The following SLC25A25 variants were observed in gnomAD, a reference collection of about 807,000 sequenced individuals.
SLC25A25 encodes solute carrier family 25 member 25.
In SLC25A25, 32 loss-of-function variants were observed where a neutral mutation model predicts 57.7. The ratio of observed to expected loss-of-function variants is 0.55; its 90% CI spans 0.42 to 0.74. The LOEUF is 0.74. Among genes scored for constraint, SLC25A25 ranks in the 30% least tolerant of loss-of-function variants. The pLI is 0.00. For missense variants in SLC25A25, 556 were observed against 701.3 expected, an observed-to-expected ratio of 0.79 and a Z score of 2.34; for synonymous variants, 306 against 291.2, an observed-to-expected ratio of 1.05 and a Z score of -0.52.
chr9:128,068,645 C>CG, intron 1 of SLC25A25, 65 bp downstream of exon 1: 1 of 1,368,122 alleles, frequency 7.3e-7, no homozygotes, highest in Non-Finnish European at 9.4e-7. Context: ...TGACAGGTCT[C>CG]GGGGGACGGC....
At chr9:128,104,893 G>A (rs1259333459) in intron 6 of SLC25A25, among the ~76,000 whole-genome samples, 1 of 149,978 alleles carries the variant, frequency 6.7e-6, no homozygotes, top group African/African-American at 2.4e-5. Context: ...GTCTCGCTCT[G>A]TCACCCAGGC....
Position 128,068,500 on chromosome 9 carries a change from C to A in SLC25A25, c.181C>A (p.Arg61=). Residue 61 remains arginine, a synonymous_variant, in exon 1 of 11, where the codon CGG becomes AGG. Transcript: ENST00000373069. ...WRLFQTLDVN[R]DGGLCVNDLA... Reference sequence around the variant, plus strand: ...ACTCTTTCAGACGCTCGACGTCAACCGGGACGGCGGCCTGTGTGTCAACGA... The same window carrying A: ...ACTCTTTCAGACGCTCGACGTCAACAGGGACGGCGGCCTGTGTGTCAACGA... 2 of 1,509,696 alleles carry A rather than the reference C, an allele frequency of 1.3e-6. No homozygotes were observed. The highest frequency in any genetic ancestry group is 1.8e-6 in the Non-Finnish European group (2 of 1,134,792). 93.5% of individuals were successfully genotyped at this position (1,509,696 alleles called of 1,614,324 possible). A position where few individuals can be genotyped will look rare whatever the true frequency, so the allele number is the denominator to read the frequency against.
intron 1 of SLC25A25, chr9:128,091,300 C>G (rs896371633): frequency 1.2e-5 from 4 of 346,006 alleles, no homozygotes; most frequent in African/African-American, 8.8e-5. Context: ...GTCCGCACCT[C>G]CCTGCAGAAT....
At position 128,102,089 on chromosome 9, in the gene SLC25A25, G is replaced by C. The variant is rs571994044; in HGVS notation, c.486G>C (p.Thr162=). 143 of 1,550,442 alleles carry C rather than the reference G, an allele frequency of 9.2e-5. No individual in the cohort carries two copies. Among genetic ancestry groups the C allele is most frequent in the Non-Finnish European group, 1.2e-4 (134 of 1,146,988 alleles). Residue 162 remains threonine, a synonymous_variant, in exon 4 of 11, where the codon ACG becomes ACC. Transcript: ENST00000373069. This position sits in a 1 kb window ranked among gnomAD's most constrained non-coding sequence, Gnocchi z 4.1. ...QAEKILKRIR[T]GHFWGPVTYM... is the part of the protein sequence containing the mutation. ...TTTGTCTGTCTGTCAGAATACGAAC[G>C]GGCCATTTCTGGGGCCCTGTCACCT...
chr9:128,075,710 G>C (rs1350513234), intron 1 of SLC25A25, among the ~76,000 whole-genome samples: 1 of 151,762 alleles, frequency 6.6e-6, no homozygotes, highest in Non-Finnish European at 1.5e-5. Context: ...CAGGCGTTGT[G>C]GTGTGCACCA....
intron 1 of SLC25A25, among the ~76,000 whole-genome samples, chr9:128,092,715 A>G (rs935030088): frequency 2.6e-5 from 4 of 152,156 alleles, no homozygotes; most frequent in Non-Finnish European, 5.9e-5. Flanking sequence ...GTGAGTTACC[A>G]TCCTCACAAG....
In SLC25A25 at chr9:128,108,143, C is replaced by T. The variant is rs2130832657; in HGVS notation, c.*699C>T. ...TGCACAGAAGGCAAGTGCTGGGGCT[C>T]ATGGTGCTCTGAGCTGGCCTGGACC... On this transcript the variant is annotated 3_prime_UTR_variant, in exon 11 of 11. Transcript: ENST00000373069. 1 of 399,466 alleles carries T rather than the reference C, an allele frequency of 2.5e-6. No individual in the cohort carries two copies. The highest frequency in any genetic ancestry group is 4.4e-6 in the Non-Finnish European group (1 of 226,462). The allele number at this position is 399,466 out of a possible 1,614,324, so 24.7% of individuals were successfully genotyped here. A position where few individuals can be genotyped will look rare whatever the true frequency, so the allele number is the denominator to read the frequency against.
At chr9:128,081,823 A>G (rs1191071230) in intron 1 of SLC25A25, among the ~76,000 whole-genome samples, 1 of 152,084 alleles carries the variant, frequency 6.6e-6, no homozygotes, top group African/African-American at 2.4e-5. Flanking sequence ...TGGGAGGTTG[A>G]GGTGGGAAGA....
intron 1 of SLC25A25, among the ~76,000 whole-genome samples, chr9:128,093,337 C>T (rs531345681): frequency 1.3e-5 from 2 of 152,360 alleles, no homozygotes; most frequent in African/African-American, 4.8e-5. Context: ...GTGGCACTAG[C>T]TTTGTGAGGA....
chr9:128,090,042 G>A (rs901356093), intron 1 of SLC25A25, among the ~76,000 whole-genome samples: 1 of 152,020 alleles, frequency 6.6e-6, no homozygotes, highest in African/African-American at 2.4e-5. Context: ...GTGAAAACAC[G>A]TCTCTCATCT....
At chr9:128,071,969 T>C (rs1832918692) in intron 1 of SLC25A25, among the ~76,000 whole-genome samples, 1 of 152,094 alleles carries the variant, frequency 6.6e-6, no homozygotes, top group Admixed American at 6.6e-5. Context: ...CACCTCGGCC[T>C]CCCAAAGTTC....
intron 1 of SLC25A25, among the ~76,000 whole-genome samples, chr9:128,085,217 G>C (rs1217643763): frequency 6.6e-6 from 1 of 152,048 alleles, no homozygotes; most frequent in African/African-American, 2.4e-5. Context: ...TGTAGTCCCA[G>C]CTACTCGGGA....
Position 128,068,585 on chromosome 9 carries a change from G to A in SLC25A25, c.261+5G>A. On this transcript the variant is annotated splice_donor_5th_base_variant and intron_variant, in intron 1 of 10. Coordinates refer to ENST00000373069, the MANE Select transcript of SLC25A25 (RefSeq NM_001330988.2). The stretch of plus-strand genomic sequence containing the variant: ...CGCACCGAGGGCGAGCTCCAGGTAG[G>A]CTGCGCGCGTCCTCAGCACTGGCGG... 7.1e-7 allele frequency: 1 copy of A among 1,415,082 alleles called. No individual in the cohort carries two copies. Among genetic ancestry groups the A allele is most frequent in the South Asian group, 1.5e-5 (1 of 64,758 alleles). The allele number at this position is 1,415,082 out of a possible 1,614,324, so 87.7% of individuals were successfully genotyped here. A position where few individuals can be genotyped will look rare whatever the true frequency, so the allele number is the denominator to read the frequency against.
At chr9:128,105,706 G>C in intron 6 of SLC25A25, 23 bp from the exon 7 acceptor site, 1 of 1,611,900 alleles carries the variant, frequency 6.2e-7, no homozygotes, top group African/African-American at 1.3e-5. Flanking sequence ...GGGTCCGTCT[G>C]ACTGTTCGGT....
Position 128,106,211 on chromosome 9 carries a change from G to A in SLC25A25, c.998G>A (p.Gly333Glu). Residue 333 changes from glycine (G) to glutamate (E), a missense_variant, in exon 8 of 11, where the codon GGG becomes GAG. Physicochemically the swap from Gly to Glu is moderately conservative, Grantham distance 98 (BLOSUM62 -2). Transcript: ENST00000373069. ...AGGATTCACGAGAGGCTTGTGGCAG[G>A]GTCCTTGGCAGGGGCCATCGCCCAG... is the stretch of plus-strand genomic sequence containing the variant. ...TLRIHERLVA[G>E]SLAGAIAQSS... 6.2e-7 allele frequency: 1 copy of A among 1,614,186 alleles called. No homozygotes were observed. The highest frequency in any genetic ancestry group is 8.5e-7 in the Non-Finnish European group (1 of 1,180,030).
rs527464100 is a variant in SLC25A25, at chr9:128,099,795, C to A, written c.262-1301C>A. 6.6e-6 allele frequency among the ~76,000 whole-genome samples: 1 copy of A among 152,232 alleles called. No individual in the cohort carries two copies. The highest frequency in any genetic ancestry group is 6.5e-5 in the Admixed American group (1 of 15,298). On this transcript the variant is annotated intron_variant, in intron 1 of 10. Coordinates refer to ENST00000373069, the MANE Select transcript of SLC25A25 (RefSeq NM_001330988.2). The surrounding 1 kb of genome is among the most constrained non-coding windows in gnomAD (Gnocchi z 6.8). ...GTCAGTAGTGTGTCTAAGAGAGAGG[C>A]GCGGTGGTGATCCTTTGAGGACGCG...
rs1207971902 is a variant in SLC25A25 at position 128,101,646 on chromosome 9, G to C, written c.476+250G>C. Among the ~76,000 whole-genome samples, 1 of 152,034 alleles carries C rather than the reference G, an allele frequency of 6.6e-6. No individual in the cohort carries two copies. Among genetic ancestry groups the C allele is most frequent in the Non-Finnish European group, 1.5e-5 (1 of 67,968 alleles). On this transcript the variant is annotated intron_variant, in intron 3 of 10. Coordinates refer to ENST00000373069, the MANE Select transcript of SLC25A25 (RefSeq NM_001330988.2). This position sits in a 1 kb window ranked among gnomAD's most constrained non-coding sequence, Gnocchi z 4.9. ...GGCCCATGAAGGGAAAACTAATTTG[G>C]GGGTGGTTCAAATAGGTAAAAGGCC... is the stretch of plus-strand genomic sequence containing the variant.
At position 128,092,044 on chromosome 9, in the gene SLC25A25, A is replaced by T. The variant is rs1385125435; in HGVS notation, c.262-9052A>T. 5 of 1,613,932 alleles carry T rather than the reference A, an allele frequency of 3.1e-6. No individual in the cohort carries two copies. In the Admixed American group the frequency reaches 8.3e-5, roughly 27 times the overall value. The stretch of plus-strand genomic sequence containing the variant: ...GAAGGGCTGAGGCCACGGAAAAAAG[A>T]CCCACCATTTTGCTGGTGGTTGGAC... On this transcript the variant is annotated intron_variant, in intron 1 of 10. Coordinates refer to ENST00000373069, the MANE Select transcript of SLC25A25 (RefSeq NM_001330988.2).
rs972683812 is a variant in SLC25A25 at position 128,095,681 on chromosome 9, G to T, written c.262-5415G>T. 1.3e-5 allele frequency among the ~76,000 whole-genome samples: 2 copies of T among 152,144 alleles called. No homozygotes were observed. Among genetic ancestry groups the T allele is most frequent in the Non-Finnish European group, 2.9e-5 (2 of 68,024 alleles). ...AAAAATTAGCTGGGTGTGCTCGTGGGCACCTGTAGTCCCAGCTACTCGGGA... is the reference window on the plus strand; with the variant it reads ...AAAAATTAGCTGGGTGTGCTCGTGGTCACCTGTAGTCCCAGCTACTCGGGA... On this transcript the variant is annotated intron_variant, in intron 1 of 10. Coordinates refer to ENST00000373069, the MANE Select transcript of SLC25A25 (RefSeq NM_001330988.2). The surrounding 1 kb of genome is among the most constrained non-coding windows in gnomAD (Gnocchi z 4.4).
Sources: gnomAD v4.1 joint callset for allele counts (sites outside exome capture counted in the v4.1 genomes callset) on GRCh38, gnomAD v4.1.1 for gene constraint, Gnocchi (gnomAD v3.1) non-coding constraint, MANE v1.5 for transcripts, NCBI Gene and HGNC (gene_info 2026-07-23, HGNC 2026-07-21) for gene names.